POFUT1: variants seen among roughly 807,000 people sequenced by gnomAD.
POFUT1 encodes the protein protein O-fucosyltransferase 1.
Under a neutral mutation model 42.4 loss-of-function variants are expected in POFUT1, and 16 were observed. That is an observed-to-expected ratio of 0.38 (90% confidence interval 0.26 to 0.57). The LOEUF is 0.57. Among genes scored for constraint, POFUT1 ranks in the 20% least tolerant of loss-of-function variants. POFUT1 has a pLI of 0.71. For missense variants in POFUT1, 470 were observed against 504.6 expected, an observed-to-expected ratio of 0.93 and a Z score of 0.66; for synonymous variants, 206 against 205.4, an observed-to-expected ratio of 1.00 and a Z score of -0.03.
intron 4 of POFUT1, among the ~76,000 whole-genome samples, chr20:32,221,158 A>G (rs1192264336): frequency 6.6e-6 from 1 of 152,210 alleles, no homozygotes; most frequent in Non-Finnish European, 1.5e-5. Context: ...CAATCTGTTA[A>G]GAAGCCTGTG....
chr20:32,215,195 G>A, intron 2 of POFUT1, 74 bp from the exon 3 acceptor site: 1 of 1,207,216 alleles, frequency 8.3e-7, no homozygotes, highest in East Asian at 2.4e-5. Flanking sequence ...GGCCTGGAGT[G>A]TATTGTTTTA....
At chr20:32,233,422 G>T (rs1344843325) in intron 6 of POFUT1, among the ~76,000 whole-genome samples, 1 of 152,244 alleles carries the variant, frequency 6.6e-6, no homozygotes, top group East Asian at 1.9e-4. Context: ...GTAGGGGCTG[G>T]ATGATGGGGG....
intron 2 of POFUT1, among the ~76,000 whole-genome samples, chr20:32,214,299 AT>A (rs962789051): frequency 6.6e-6 from 1 of 151,572 alleles, no homozygotes; most frequent in Admixed American, 6.6e-5. Flanking sequence ...TAATTTTTTT[AT>A]TTTTTGTAGA....
chr20:32,212,906 C>T (rs1390501649), intron 2 of POFUT1, among the ~76,000 whole-genome samples: 2 of 148,734 alleles, frequency 1.3e-5, no homozygotes, highest in African/African-American at 2.5e-5. Context: ...TTTTCCAAGA[C>T]GGAGTTTTGC....
Position 32,208,289 on chromosome 20 carries a change from C to A in POFUT1, c.124+224C>A, listed in dbSNP as rs562405039. On this transcript the variant is annotated intron_variant, in intron 1 of 6. Coordinates refer to ENST00000375749, the MANE Select transcript of POFUT1 (RefSeq NM_015352.2). ...AGAAAACTGAGGCTGGGAGAGGTTA[C>A]GTGACTTGCTTGAGGTCTAAGCCAG... Among the ~76,000 whole-genome samples the A allele has an allele frequency of 1.1e-3, 162 of 152,258 alleles. 2 individuals carry two copies. Among genetic ancestry groups the A allele is most frequent in the Admixed American group, 0.01 (160 of 15,298 alleles).
chr20:32,238,163 T>TG lies in POFUT1; in HGVS notation c.*3505dup, dbSNP rs2047482660. On this transcript the variant is annotated 3_prime_UTR_variant, in exon 7 of 7. Transcript: ENST00000375749. ...ATCCCAGCACTTTGCGAGGCCGAGGTGGGCAGATCACTTGAGGTGAGGAGT... is the reference window on the plus strand; with the variant it reads ...ATCCCAGCACTTTGCGAGGCCGAGGTGGGGCAGATCACTTGAGGTGAGGAGT... 1 of 237,116 alleles carries TG rather than the reference T, an allele frequency of 4.2e-6. No homozygotes were observed. 14.7% of individuals were successfully genotyped at this position (237,116 alleles called of 1,614,324 possible).
At chr20:32,217,366 A>G in intron 4 of POFUT1, 1 of 1,115,536 alleles carries the variant, frequency 9.0e-7, no homozygotes, top group Non-Finnish European at 1.1e-6. Flanking sequence ...AGGAAAGACC[A>G]TGGGCTTAGA....
At chr20:32,219,867 T>G (rs888162358) in intron 4 of POFUT1, among the ~76,000 whole-genome samples, 2 of 152,218 alleles carry the variant, frequency 1.3e-5, no homozygotes, top group Non-Finnish European at 2.9e-5. Context: ...TCTTTTGGGT[T>G]TTCATTTTTC....
At chr20:32,223,748 T>G (rs1306015840) in intron 4 of POFUT1, 5 of 939,004 alleles carry the variant, frequency 5.3e-6, no homozygotes, top group Non-Finnish European at 6.3e-6. Context: ...ATGCCTACCA[T>G]GTGATAAGGT....
Position 32,216,664 on chromosome 20 carries a change from C to T in POFUT1, c.485C>T (p.Ser162Leu), listed in dbSNP as rs757533393. The T allele has an allele frequency of 3.1e-6, 5 of 1,613,920 alleles. No homozygotes were observed. The highest frequency in any genetic ancestry group is 1.7e-4 in the Middle Eastern group (1 of 6,060). ...CAGTTTCATGTGAGTTTCAACAAGTCGGAGCTTTTTACAGGCATTTCCTTC... is the reference window on the plus strand; with the variant it reads ...CAGTTTCATGTGAGTTTCAACAAGTTGGAGCTTTTTACAGGCATTTCCTTC... ...WDQFHVSFNK[S>L]ELFTGISFSA... Residue 162 changes from serine (S) to leucine (L), a missense_variant, in exon 4 of 7, where the codon TCG (serine) becomes TTG (leucine). Coordinates refer to ENST00000375749, the MANE Select transcript of POFUT1 (RefSeq NM_015352.2).
At chr20:32,208,415 C>A (rs2047306084) in intron 1 of POFUT1, among the ~76,000 whole-genome samples, 1 of 152,112 alleles carries the variant, frequency 6.6e-6, no homozygotes, top group South Asian at 2.1e-4. Flanking sequence ...ATTTATGGGG[C>A]ACCTATTCTG....
intron 4 of POFUT1, among the ~76,000 whole-genome samples, chr20:32,218,974 G>A (rs752976587): frequency 7.2e-5 from 11 of 152,222 alleles, no homozygotes; most frequent in Non-Finnish European, 1.3e-4. Flanking sequence ...AATTAGTAGG[G>A]AAGATGAGGT....
intron 1 of POFUT1, 43 bp from the exon 2 acceptor site, chr20:32,210,028 C>A: frequency 6.2e-7 from 1 of 1,613,482 alleles, no homozygotes; most frequent in Non-Finnish European, 8.5e-7. Context: ...TCTATGCCCT[C>A]CATGCCCCAG....
Position 32,210,186 on chromosome 20 carries a change from C to T in POFUT1, c.240C>T (p.Phe80=), listed in dbSNP as rs776630840. Residue 80 remains phenylalanine, a synonymous_variant, in exon 2 of 7, where the codon TTC becomes TTT. Transcript: ENST00000375749. ...AGTACCAGCATCACAAGCCTCCTTTCACCAACGTGAGTACTTCCCACTGAC... is the reference window on the plus strand; with the variant it reads ...AGTACCAGCATCACAAGCCTCCTTTTACCAACGTGAGTACTTCCCACTGAC... The part of the protein sequence containing the change: ...WIEYQHHKPP[F]TNLHVSYQKY... 5 of 1,614,052 alleles carry T rather than the reference C, an allele frequency of 3.1e-6. No individual in the cohort carries two copies. The highest frequency in any genetic ancestry group is 1.3e-5 in the African/African-American group (1 of 74,928).
chr20:32,214,065 A>G (rs2047345229), intron 2 of POFUT1, among the ~76,000 whole-genome samples: 1 of 152,050 alleles, frequency 6.6e-6, no homozygotes, highest in African/African-American at 2.4e-5. Flanking sequence ...CCAGGTCCAA[A>G]GTGCAAGAAC....
intron 4 of POFUT1, among the ~76,000 whole-genome samples, chr20:32,225,301 C>A (rs1456158518): frequency 6.6e-6 from 1 of 151,998 alleles, no homozygotes; most frequent in African/African-American, 2.4e-5. Context: ...CATTCTCCTG[C>A]CTCAGCCTCC....
rs745942782 is a variant in POFUT1 at position 32,210,191 on chromosome 20, A to T, written c.245A>T (p.Asn82Ile). 6.2e-7 allele frequency: 1 copy of T among 1,613,982 alleles called. No homozygotes were observed. Among genetic ancestry groups the T allele is most frequent in the Non-Finnish European group, 8.5e-7 (1 of 1,179,946 alleles). Reference sequence around the variant, plus strand: ...CAGCATCACAAGCCTCCTTTCACCAACGTGAGTACTTCCCACTGACCTTGG... The same window carrying T: ...CAGCATCACAAGCCTCCTTTCACCATCGTGAGTACTTCCCACTGACCTTGG... ...EYQHHKPPFT[N>I]LHVSYQKYFK... Residue 82 changes from asparagine to isoleucine, a missense_variant and splice_region_variant, in exon 2 of 7, where the codon AAC (asparagine) becomes ATC (isoleucine). Asn to Ile is a moderately radical substitution (Grantham distance 149). Transcript: ENST00000375749.
At chr20:32,234,441 C>G (rs2047458707) in intron 6 of POFUT1, 32 bp from the exon 7 acceptor site, 10 of 1,558,016 alleles carry the variant, frequency 6.4e-6, no homozygotes, top group Admixed American at 1.9e-5. Flanking sequence ...TGTAGCCACC[C>G]CAGCTTATAT....
chr20:32,238,436 C>T lies in POFUT1; in HGVS notation c.*3775C>T, dbSNP rs1015616537. ...GACTTCATGTGCCCCCAATTTTTCA[C>T]TATTGTTATTTGAAAAAATATTTTT... is the stretch of plus-strand genomic sequence containing the variant. On this transcript the variant is annotated 3_prime_UTR_variant, in exon 7 of 7. Coordinates refer to ENST00000375749, the MANE Select transcript of POFUT1 (RefSeq NM_015352.2). 6.6e-6 allele frequency: 1 copy of T among 151,696 alleles called. No homozygotes were observed. The highest frequency in any genetic ancestry group is 2.4e-5 in the African/African-American group (1 of 41,246). 9.4% of individuals were successfully genotyped at this position (151,696 alleles called of 1,614,324 possible). A position where few individuals can be genotyped will look rare whatever the true frequency, so the allele number is the denominator to read the frequency against.
Sources: allele counts gnomAD v4.1 joint callset (sites outside exome capture counted in the v4.1 genomes callset), GRCh38; gene constraint gnomAD v4.1.1; transcripts MANE v1.5; gene names NCBI Gene and HGNC (gene_info 2026-07-23, HGNC 2026-07-21).